CHML: variants seen among roughly 807,000 people sequenced by gnomAD.
CHML encodes CHM like Rab escort protein, also known as rab proteins geranylgeranyltransferase component A 2.
Under a neutral mutation model 30.4 loss-of-function variants are expected in CHML, and 20 were observed. The observed-to-expected ratio is 0.66, with a 90% CI of 0.46 to 0.95. The LOEUF is 0.95. Ranked by LOEUF, CHML falls within the 40% of genes least tolerant of loss-of-function variation. The pLI is 0.00. For synonymous variants in CHML, 281 were observed against 275.0 expected (o/e 1.02, Z -0.22); for missense variants, 795 against 768.5 (o/e 1.03, Z -0.41).
Position 241,636,047 on chromosome 1 carries a change from A to G in CHML, c.-281T>C, listed in dbSNP as rs80319256. 9 of 470,944 alleles carry G rather than the reference A, an allele frequency of 1.9e-5. No individual in the cohort carries two copies. The East Asian group carries it at 2.9e-4, about 15-fold the overall frequency. The allele number at this position is 470,944 out of a possible 1,614,324, so 29.2% of individuals were successfully genotyped here. Reference sequence around the variant, plus strand: ...AGCAGTAAATGTCAAAATGCATCATATATGCATTTGTGACTGGAACTCTTC... The same window carrying G: ...AGCAGTAAATGTCAAAATGCATCATGTATGCATTTGTGACTGGAACTCTTC... On this transcript the variant is annotated 5_prime_UTR_variant, in exon 2 of 2. Coordinates refer to ENST00000366553, the MANE Select transcript of CHML (RefSeq NM_001381853.1).
chr1:241,635,502 G>GA lies in CHML; in HGVS notation c.264dup (p.Leu89SerfsTer6). On this transcript the variant is annotated frameshift_variant, in exon 2 of 2. Coordinates refer to ENST00000366553, the MANE Select transcript of CHML (RefSeq NM_001381853.1). LOFTEE classifies it high-confidence loss of function. The stretch of plus-strand genomic sequence containing the variant: ...TGAATAGTTTCATCCTTCTTGCGAA[G>GA]AGTGATGGCTTCTTCTGTTTCATGG... The GA allele has an allele frequency of 1.2e-6, 2 of 1,613,862 alleles. No individual in the cohort carries two copies. Among genetic ancestry groups the GA allele is most frequent in the South Asian group, 2.2e-5 (2 of 91,074 alleles).
chr1:241,635,886 C>A lies in CHML; in HGVS notation c.-120G>T. ...TCCCAGAAGCACTGAAGTTGCAGGT[C>A]CTAGCTGTTTAACGGTTACCCTTTT... On this transcript the variant is annotated 5_prime_UTR_variant, in exon 2 of 2. Coordinates refer to ENST00000366553, the MANE Select transcript of CHML (RefSeq NM_001381853.1). The A allele has an allele frequency of 1.0e-6, 1 of 994,412 alleles. No individual in the cohort carries two copies. Among genetic ancestry groups the A allele is most frequent in the Middle Eastern group, 2.4e-4 (1 of 4,240 alleles). 61.6% of individuals were successfully genotyped at this position (994,412 alleles called of 1,614,324 possible). A position where few individuals can be genotyped will look rare whatever the true frequency, so the allele number is the denominator to read the frequency against.
intron 1 of CHML, among the ~76,000 whole-genome samples, chr1:241,637,277 T>A (rs1246266208): frequency 1.3e-5 from 2 of 152,202 alleles, no homozygotes; most frequent in Non-Finnish European, 1.5e-5. Context: ...CAATTGGAAC[T>A]TAGATTAAAT....
In CHML at chr1:241,632,701, G is replaced by A. The variant is rs529644656; in HGVS notation, c.*1095C>T. ...TTGTTAAGTGGGACACAACCGAAAGGGCATGGTAAATCCTCCTTTGATTCA... is the reference window on the plus strand; with the variant it reads ...TTGTTAAGTGGGACACAACCGAAAGAGCATGGTAAATCCTCCTTTGATTCA... On this transcript the variant is annotated 3_prime_UTR_variant, in exon 2 of 2. Coordinates refer to ENST00000366553, the MANE Select transcript of CHML (RefSeq NM_001381853.1). 1 of 152,164 alleles carries A rather than the reference G, an allele frequency of 6.6e-6. No individual in the cohort carries two copies. The highest frequency in any genetic ancestry group is 6.5e-5 in the Admixed American group (1 of 15,292). The allele number at this position is 152,164 out of a possible 1,614,324, so 9.4% of individuals were successfully genotyped here.
intron 1 of CHML, among the ~76,000 whole-genome samples, chr1:241,639,594 C>A (rs1057243200): frequency 6.6e-6 from 1 of 151,180 alleles, no homozygotes; most frequent in African/African-American, 2.4e-5. Flanking sequence ...AGAAAGGAGG[C>A]GGGCCGGGGT....
In CHML at chr1:241,634,759, T is replaced by C. The variant is rs373369407; in HGVS notation, c.1008A>G (p.Gln336=). 41 of 1,613,900 alleles carry C rather than the reference T, an allele frequency of 2.5e-5. No individual in the cohort carries two copies. The highest frequency in any genetic ancestry group is 6.7e-5 in the Admixed American group (4 of 60,002). ...LKTKKLTPNL[Q]HFVLHSIAMT... The stretch of plus-strand genomic sequence containing the variant: ...TTGCAATTGAGTGCAGTACAAAATG[T>C]TGAAGGTTGGGAGTTAGTTTTTTAG... Residue 336 remains glutamine, a synonymous_variant, in exon 2 of 2, where the codon CAA becomes CAG. Transcript: ENST00000366553.
At position 241,635,437 on chromosome 1, in the gene CHML, C is replaced by T. The variant is rs1485744505; in HGVS notation, c.330G>A (p.Glu110=). ...GAGCACCAATCTCTTCAACGTTGTC[C>T]TCCATATCCTGACTGGCGTAGCAAA... ...EAFCYASQDM[E]DNVEEIGALQ... is the part of the protein sequence containing the mutation. Residue 110 remains glutamate, a synonymous_variant, in exon 2 of 2, where the codon GAG becomes GAA. Coordinates refer to ENST00000366553, the MANE Select transcript of CHML (RefSeq NM_001381853.1). 7 of 1,613,960 alleles carry T rather than the reference C, an allele frequency of 4.3e-6. No homozygotes were observed. Among genetic ancestry groups the T allele is most frequent in the Middle Eastern group, 3.3e-4 (2 of 6,062 alleles).
chr1:241,639,591 A>C (rs1372153792), intron 1 of CHML, among the ~76,000 whole-genome samples: 1 of 151,218 alleles, frequency 6.6e-6, no homozygotes, highest in East Asian at 1.9e-4. Flanking sequence ...ATAAGAAAGG[A>C]GGCGGGCCGG....
At position 241,635,658 on chromosome 1, in the gene CHML, T is replaced by C; in HGVS notation, c.109A>G (p.Ile37Val). Residue 37 changes from isoleucine (I) to valine (V), a missense_variant, in exon 2 of 2, where the codon ATT (isoleucine) becomes GTT (valine). By Grantham distance (29) the Ile-to-Val change is conservative. Transcript: ENST00000366553. ...CCTCCATAGTAGCTTCTTGAATCAATATGCAGAACCCTCTGACCACTTCTT... is the reference window on the plus strand; with the variant it reads ...CCTCCATAGTAGCTTCTTGAATCAACATGCAGAACCCTCTGACCACTTCTT... ...CSRSGQRVLH[I>V]DSRSYYGGNW... The C allele has an allele frequency of 1.2e-6, 2 of 1,614,050 alleles. No individual in the cohort carries two copies. Among genetic ancestry groups the C allele is most frequent in the East Asian group, 2.2e-5 (1 of 44,878 alleles).
chr1:241,640,277 C>G lies in CHML; in HGVS notation c.-703G>C. ...CATGGCCCGGCGCCGGCGCGCCTGG[C>G]GGGCGGAGGCGCTCAGCTTGCGGCG... On this transcript the variant is annotated 5_prime_UTR_variant, in exon 1 of 2. Coordinates refer to ENST00000366553, the MANE Select transcript of CHML (RefSeq NM_001381853.1). 1 of 1,167,240 alleles carries G rather than the reference C, an allele frequency of 8.6e-7. No individual in the cohort carries two copies. Among genetic ancestry groups the G allele is most frequent in the Non-Finnish European group, 1.1e-6 (1 of 949,082 alleles). The allele number at this position is 1,167,240 out of a possible 1,614,324, so 72.3% of individuals were successfully genotyped here.
rs1172975709 is a variant in CHML at position 241,629,877 on chromosome 1, T to C, written c.*3919A>G. 12 of 152,122 alleles carry C rather than the reference T, an allele frequency of 7.9e-5. No individual in the cohort carries two copies. The highest frequency in any genetic ancestry group is 1.8e-4 in the Non-Finnish European group (12 of 67,940). 9.4% of individuals were successfully genotyped at this position (152,122 alleles called of 1,614,324 possible). A position where few individuals can be genotyped will look rare whatever the true frequency, so the allele number is the denominator to read the frequency against. ...ACCACAGAATATTCAGAAAGGTTGC[T>C]TAATAGCATGTTTTAAGGATTTGGA... On this transcript the variant is annotated 3_prime_UTR_variant, in exon 2 of 2. Transcript: ENST00000366553.
intron 1 of CHML, among the ~76,000 whole-genome samples, chr1:241,638,086 T>C (rs1408551386): frequency 1.3e-5 from 2 of 152,210 alleles, no homozygotes; most frequent in Admixed American, 6.5e-5. Flanking sequence ...CACTACTAAC[T>C]TGCCCCCCAG....
At position 241,635,843 on chromosome 1, in the gene CHML, C is replaced by T. The variant is rs1258767278; in HGVS notation, c.-77G>A. Reference sequence around the variant, plus strand: ...TGATTATGCTGTAATAAAATCTGTCCTTCTGATGTTCCAGTTATCCCAGAA... The same window carrying T: ...TGATTATGCTGTAATAAAATCTGTCTTTCTGATGTTCCAGTTATCCCAGAA... On this transcript the variant is annotated 5_prime_UTR_variant, in exon 2 of 2. Coordinates refer to ENST00000366553, the MANE Select transcript of CHML (RefSeq NM_001381853.1). 1 of 1,408,138 alleles carries T rather than the reference C, an allele frequency of 7.1e-7. No individual in the cohort carries two copies. Among genetic ancestry groups the T allele is most frequent in the East Asian group, 2.3e-5 (1 of 43,348 alleles). 87.2% of individuals were successfully genotyped at this position (1,408,138 alleles called of 1,614,324 possible). A position where few individuals can be genotyped will look rare whatever the true frequency, so the allele number is the denominator to read the frequency against.
intron 1 of CHML, chr1:241,639,273 C>T (rs187696802): frequency 6.6e-6 from 1 of 152,250 alleles, no homozygotes; most frequent in Non-Finnish European, 1.5e-5. Flanking sequence ...GTAAAAACAG[C>T]TTACAGGGCA....
At position 241,635,105 on chromosome 1, in the gene CHML, TGA is replaced by T; in HGVS notation, c.660_661del (p.Gln221AsnfsTer3). ...AAACCTCCTGCCTTCTTTAACTATT[TGA>T]GAGTAAGTAATCCTATTTCTAATTG... On this transcript the variant is annotated frameshift_variant, in exon 2 of 2. Transcript: ENST00000366553. LOFTEE classifies it high-confidence loss of function. 2 of 1,612,714 alleles carry T rather than the reference TGA, an allele frequency of 1.2e-6. No individual in the cohort carries two copies. The highest frequency in any genetic ancestry group is 2.2e-5 in the South Asian group (2 of 90,922).
intron 1 of CHML, among the ~76,000 whole-genome samples, chr1:241,638,150 A>C (rs1664974343): frequency 6.6e-6 from 1 of 152,260 alleles, no homozygotes; most frequent in African/African-American, 2.4e-5. Flanking sequence ...CATTAAAAAC[A>C]GGGAGAAAGT....
Position 241,629,512 on chromosome 1 carries a change from G to C in CHML, c.*4284C>G, listed in dbSNP as rs999700602. 2.6e-5 allele frequency: 4 copies of C among 152,050 alleles called. No homozygotes were observed. Among genetic ancestry groups the C allele is most frequent in the Admixed American group, 2.6e-4 (4 of 15,284 alleles). 9.4% of individuals were successfully genotyped at this position (152,050 alleles called of 1,614,324 possible). ...TAAGAGTACAAACCCTTATGGATATGCATATAGTTTTACAAAAACTGAGTG... is the reference window on the plus strand; with the variant it reads ...TAAGAGTACAAACCCTTATGGATATCCATATAGTTTTACAAAAACTGAGTG... On this transcript the variant is annotated 3_prime_UTR_variant, in exon 2 of 2. Transcript: ENST00000366553.
chr1:241,635,568 C>T lies in CHML; in HGVS notation c.199G>A (p.Asp67Asn). ...SWLKEYQQNN[D>N]IGEESTVVWQ... ...ACAACAGTACTTTCTTCCCCAATGT[C>T]ATTGTTTTGCTGATACTCCTTCAAC... Residue 67 changes from aspartate (D) to asparagine (N), a missense_variant, in exon 2 of 2, where the codon GAC (aspartate) becomes AAC (asparagine). By Grantham distance (23) the Asp-to-Asn change is conservative. Coordinates refer to ENST00000366553, the MANE Select transcript of CHML (RefSeq NM_001381853.1). 2 of 1,614,082 alleles carry T rather than the reference C, an allele frequency of 1.2e-6. No homozygotes were observed. Among genetic ancestry groups the T allele is most frequent in the East Asian group, 2.2e-5 (1 of 44,880 alleles).
At position 241,629,302 on chromosome 1, in the gene CHML, C is replaced by A. The variant is rs976755847; in HGVS notation, c.*4494G>T. On this transcript the variant is annotated 3_prime_UTR_variant, in exon 2 of 2. Coordinates refer to ENST00000366553, the MANE Select transcript of CHML (RefSeq NM_001381853.1). ...ATAAAGCCCTTTTTATAGTCTTCTA[C>A]ACAGTTCTCTTAAAAGGCTACTAAT... The A allele has an allele frequency of 1.4e-4, 22 of 152,104 alleles. No homozygotes were observed. Among genetic ancestry groups the A allele is most frequent in the Admixed American group, 4.6e-4 (7 of 15,266 alleles). The allele number at this position is 152,104 out of a possible 1,614,324, so 9.4% of individuals were successfully genotyped here.
Sources: allele counts gnomAD v4.1 joint callset (sites outside exome capture counted in the v4.1 genomes callset), GRCh38; gene constraint gnomAD v4.1.1; transcripts MANE v1.5; gene names NCBI Gene and HGNC (gene_info 2026-07-23, HGNC 2026-07-21).